Variants in KIAA0825 observed in about 807,000 individuals in gnomAD.
KIAA0825 encodes the protein KIAA0825.
Under a neutral mutation model 147.6 loss-of-function variants are expected in KIAA0825, and 119 were observed. That is an observed-to-expected ratio of 0.81 (90% CI 0.69 to 0.94). KIAA0825 has a LOEUF of 0.94. Among genes scored for constraint, KIAA0825 ranks in the 40% least tolerant of loss-of-function variants. The pLI is 0.00. For synonymous variants in KIAA0825, 470 were observed against 518.1 expected, an observed-to-expected ratio of 0.91 and a Z score of 1.26; for missense variants, 1,381 against 1,472.7, an observed-to-expected ratio of 0.94 and a Z score of 1.02.
At chr5:94,170,677 A>T (rs1197455043) in intron 20 of KIAA0825, among the ~76,000 whole-genome samples, 1 of 152,218 alleles carries the variant, frequency 6.6e-6, no homozygotes, top group Non-Finnish European at 1.5e-5. Context: ...CTGGAACAAA[A>T]TGAAAATGAA....
intron 1 of KIAA0825, chr5:94,594,051 A>G: frequency 1.9e-6 from 1 of 524,700 alleles, no homozygotes; most frequent in Middle Eastern, 6.4e-4. Context: ...CTTGCGTGCA[A>G]CATCTTAATT....
intron 20 of KIAA0825, among the ~76,000 whole-genome samples, chr5:94,262,838 G>C (rs1382057665): frequency 1.3e-5 from 2 of 152,050 alleles, no homozygotes; most frequent in Non-Finnish European, 2.9e-5. Context: ...TGTGGGGGTG[G>C]GGGGCTGTAT....
intron 20 of KIAA0825, among the ~76,000 whole-genome samples, chr5:94,155,026 G>T (rs1766906182): frequency 1.3e-5 from 2 of 152,054 alleles, no homozygotes; most frequent in South Asian, 4.1e-4. Context: ...CTGCCATAAA[G>T]GCTTCAGCAG....
At chr5:94,431,759 C>G (rs986540714) in intron 14 of KIAA0825, among the ~76,000 whole-genome samples, 4 of 152,170 alleles carry the variant, frequency 2.6e-5, no homozygotes. Flanking sequence ...GCAGCTGCCC[C>G]TTTCTTCAAG....
chr5:94,447,132 G>A lies in KIAA0825; in HGVS notation c.2357+5827C>T, dbSNP rs577743855. ...TCCTAAGTCCAGATTTGGTTATGGT[G>A]AGTTTGAGATGTCTTTATGATTTCC... On this transcript the variant is annotated intron_variant, in intron 13 of 20. Coordinates refer to ENST00000682413, the MANE Select transcript of KIAA0825 (RefSeq NM_001145678.3). Among the ~76,000 whole-genome samples, 4 of 152,176 alleles carry A rather than the reference G, an allele frequency of 2.6e-5. No individual in the cohort carries two copies. The East Asian group carries it at 7.7e-4, about 29-fold the overall frequency.
chr5:94,437,461 C>T (rs1363243028), intron 14 of KIAA0825, among the ~76,000 whole-genome samples: 1 of 152,076 alleles, frequency 6.6e-6, no homozygotes, highest in South Asian at 2.1e-4. Context: ...GGTGTTTGAG[C>T]AGGTTGGGTA....
intron 20 of KIAA0825, among the ~76,000 whole-genome samples, chr5:94,235,135 T>A (rs1359713092): frequency 6.6e-6 from 1 of 152,000 alleles, no homozygotes; most frequent in Non-Finnish European, 1.5e-5. Flanking sequence ...AAGCTAGAAA[T>A]GATTAAGCTT....
intron 20 of KIAA0825, among the ~76,000 whole-genome samples, chr5:94,308,692 G>A (rs1048544128): frequency 6.6e-6 from 1 of 151,754 alleles, no homozygotes; most frequent in African/African-American, 2.4e-5. Context: ...ATTCATTAAA[G>A]AAATATATGA....
chr5:94,169,443 A>G (rs1239130231), intron 20 of KIAA0825, among the ~76,000 whole-genome samples: 1 of 151,802 alleles, frequency 6.6e-6, no homozygotes, highest in African/African-American at 2.4e-5. Context: ...TTAGCGGGGC[A>G]TGGTGGCACA....
At chr5:94,162,546 G>A (rs911369972) in intron 20 of KIAA0825, among the ~76,000 whole-genome samples, 1 of 152,054 alleles carries the variant, frequency 6.6e-6, no homozygotes, top group East Asian at 1.9e-4. Flanking sequence ...TCCTGCCTTG[G>A]CATCCCAAAG....
intron 20 of KIAA0825, among the ~76,000 whole-genome samples, chr5:94,206,936 C>A (rs575821167): frequency 1.3e-5 from 2 of 152,162 alleles, no homozygotes; most frequent in Admixed American, 6.5e-5. Context: ...ATAGACAATA[C>A]CACATTGCTG....
intron 20 of KIAA0825, among the ~76,000 whole-genome samples, chr5:94,342,566 A>G (rs1003575140): frequency 3.3e-5 from 5 of 152,202 alleles, no homozygotes; most frequent in African/African-American, 1.2e-4. Flanking sequence ...AGTTTTAGAT[A>G]AAATGTAATC....
Position 94,290,717 on chromosome 5 carries a change from C to T in KIAA0825, c.3710+93651G>A, listed in dbSNP as rs190061831. Among the ~76,000 whole-genome samples the T allele has an allele frequency of 1.4e-3, 211 of 152,292 alleles. 3 individuals carry two copies. The Middle Eastern group carries it at 0.041, about 29-fold the overall frequency. Reference sequence around the variant, plus strand: ...CCTTGAGGAATCACCACACTGTCTTCCACAATGGTTGAACTAATTTACACT... The same window carrying T: ...CCTTGAGGAATCACCACACTGTCTTTCACAATGGTTGAACTAATTTACACT... On this transcript the variant is annotated intron_variant, in intron 20 of 20. Coordinates refer to ENST00000682413, the MANE Select transcript of KIAA0825 (RefSeq NM_001145678.3).
chr5:94,218,469 C>A (rs1410336620), intron 20 of KIAA0825, among the ~76,000 whole-genome samples: 2 of 152,182 alleles, frequency 1.3e-5, no homozygotes, highest in African/African-American at 4.8e-5. Context: ...AAAGGATTTG[C>A]CCCACTGTAA....
At chr5:94,158,338 G>A (rs1767236074) in intron 20 of KIAA0825, among the ~76,000 whole-genome samples, 1 of 152,050 alleles carries the variant, frequency 6.6e-6, no homozygotes, top group Admixed American at 6.6e-5. Context: ...TTTTTTTGGA[G>A]GAAGTTTGCC....
chr5:94,212,606 C>T (rs183056076), intron 20 of KIAA0825, among the ~76,000 whole-genome samples: 1 of 152,308 alleles, frequency 6.6e-6, no homozygotes, highest in African/African-American at 2.4e-5. Flanking sequence ...TTGGTCACCC[C>T]ACTCCCAAGT....
chr5:94,414,581 G>C (rs1037469973), intron 15 of KIAA0825: 1 of 152,148 alleles, frequency 6.6e-6, no homozygotes, highest in Non-Finnish European at 1.5e-5. Flanking sequence ...TTATGTGTTA[G>C]ATAGAATTCT....
chr5:94,493,253 A>G (rs1302874414), intron 5 of KIAA0825, among the ~76,000 whole-genome samples: 1 of 152,184 alleles, frequency 6.6e-6, no homozygotes, highest in African/African-American at 2.4e-5. Flanking sequence ...CACTCTTCCC[A>G]TTTCATAAAA....
intron 2 of KIAA0825, among the ~76,000 whole-genome samples, chr5:94,572,406 T>C (rs906999438): frequency 6.6e-6 from 1 of 152,218 alleles, no homozygotes; most frequent in Non-Finnish European, 1.5e-5. Context: ...AAAAATGGGC[T>C]ATTGGCAATT....
Sources: allele counts gnomAD v4.1 joint callset (sites outside exome capture counted in the v4.1 genomes callset), GRCh38; gene constraint gnomAD v4.1.1; transcripts MANE v1.5; gene names NCBI Gene and HGNC (gene_info 2026-07-23, HGNC 2026-07-21).